The following PCDHA2 variants were observed in gnomAD, a reference collection of about 807,000 sequenced individuals.
The protein encoded by PCDHA2 is protocadherin alpha-2.
In PCDHA2, 58 loss-of-function variants were observed where a neutral mutation model predicts 66.0. The ratio of observed to expected loss-of-function variants is 0.88; its 90% CI spans 0.71 to 1.09. The LOEUF is 1.09. Among genes scored for constraint, PCDHA2 ranks in the 50% least tolerant of loss-of-function variants. The probability of loss-of-function intolerance (pLI) is 0.00; values close to 1 mark genes in which losing one functional copy is unlikely to be tolerated. For synonymous variants in PCDHA2, 634 were observed against 554.0 expected, an observed-to-expected ratio of 1.14 and a Z score of -2.03; for missense variants, 1,267 against 1,242.3, an observed-to-expected ratio of 1.02 and a Z score of -0.30.
In PCDHA2 at chr5:140,870,604, C is replaced by A. The variant is rs376574285; in HGVS notation, c.2388+73252C>A. 10 of 1,613,134 alleles carry A rather than the reference C, an allele frequency of 6.2e-6. No homozygotes were observed. The African/African-American group carries it at 6.7e-5, about 11-fold the overall frequency. Reference sequence around the variant, plus strand: ...GCTGGTGGAGCGGCGGTTGGGCGACCGCGCGCTGTCGAGCTACGTGTCGGT... The same window carrying A: ...GCTGGTGGAGCGGCGGTTGGGCGACAGCGCGCTGTCGAGCTACGTGTCGGT... On this transcript the variant is annotated intron_variant, in intron 1 of 3. Coordinates refer to ENST00000526136, the MANE Select transcript of PCDHA2 (RefSeq NM_018905.3).
At chr5:140,991,754 G>A (rs1554252407) in intron 3 of PCDHA2, among the ~76,000 whole-genome samples, 2 of 152,034 alleles carry the variant, frequency 1.3e-5, no homozygotes, top group African/African-American at 4.8e-5. Context: ...TTTCTATCAT[G>A]CTCTTCAAAA....
At chr5:140,802,297 C>G (rs1554122006) in intron 1 of PCDHA2, 2 of 1,614,152 alleles carry the variant, frequency 1.2e-6, no homozygotes, top group African/African-American at 1.3e-5. Flanking sequence ...CCACTTAGCA[C>G]AGTCATCGCT....
chr5:140,983,768 T>G (rs1236827804), intron 3 of PCDHA2, among the ~76,000 whole-genome samples: 2 of 152,196 alleles, frequency 1.3e-5, no homozygotes, highest in African/African-American at 4.8e-5. Context: ...CAAATACATA[T>G]CTACATACAT....
chr5:140,918,899 C>G (rs2078917474), intron 1 of PCDHA2, among the ~76,000 whole-genome samples: 1 of 152,206 alleles, frequency 6.6e-6, no homozygotes, highest in African/African-American at 2.4e-5. Context: ...AAATAAATCT[C>G]TCTTGTTTAT....
At chr5:140,964,753 T>A (rs1411001872) in intron 1 of PCDHA2, among the ~76,000 whole-genome samples, 1 of 149,084 alleles carries the variant, frequency 6.7e-6, no homozygotes, top group East Asian at 1.9e-4. Context: ...TGTAGGGATG[T>A]TTGGGGAGGA....
intron 1 of PCDHA2, chr5:140,849,920 C>T (rs2041223801): frequency 6.3e-7 from 1 of 1,598,270 alleles, no homozygotes; most frequent in Non-Finnish European, 8.6e-7. Flanking sequence ...GCCACATCTT[C>T]ACGGTGTCTG....
At chr5:140,832,971 T>C (rs115888961) in intron 1 of PCDHA2, among the ~76,000 whole-genome samples, 2,340 of 152,296 alleles carry the variant, frequency 0.015, 65 homozygotes, top group African/African-American at 0.053. Flanking sequence ...ATTCCAAATG[T>C]ACCTAGAAAT....
intron 1 of PCDHA2, chr5:140,828,181 G>C (rs2150151926): frequency 6.2e-7 from 1 of 1,614,176 alleles, no homozygotes; most frequent in Non-Finnish European, 8.5e-7. Context: ...GGAGCGGCCA[G>C]CTCCACTACT....
intron 1 of PCDHA2, chr5:140,928,768 C>G: frequency 1.2e-6 from 2 of 1,614,136 alleles, no homozygotes; most frequent in Non-Finnish European, 1.7e-6. Context: ...CTTAGTTCTT[C>G]CCACTGATGC....
chr5:140,872,802 A>T (rs533671542), intron 1 of PCDHA2, among the ~76,000 whole-genome samples: 128 of 152,330 alleles, frequency 8.4e-4, no homozygotes, highest in Admixed American at 2.4e-3. Flanking sequence ...GCATTCTTCC[A>T]TAAGTTTTTC....
intron 1 of PCDHA2, among the ~76,000 whole-genome samples, chr5:140,886,264 A>T (rs1471846282): frequency 3.3e-5 from 5 of 151,982 alleles, no homozygotes; most frequent in Admixed American, 3.3e-4. Flanking sequence ...CTATTTATAG[A>T]TAAAATTTTT....
At chr5:140,924,175 A>G (rs1179259744) in intron 1 of PCDHA2, among the ~76,000 whole-genome samples, 4 of 152,244 alleles carry the variant, frequency 2.6e-5, no homozygotes, top group Non-Finnish European at 5.9e-5. Context: ...CTGGCACTGA[A>G]GCAGAAAATT....
At chr5:140,803,331 G>T in intron 1 of PCDHA2, 2 of 1,614,188 alleles carry the variant, frequency 1.2e-6, no homozygotes, top group Non-Finnish European at 8.5e-7. Context: ...CAGTCTGTTG[G>T]TGCTCACACT....
Position 141,009,978 on chromosome 5 carries a change from A to G in PCDHA2, c.*41A>G. On this transcript the variant is annotated 3_prime_UTR_variant, in exon 4 of 4. Coordinates refer to ENST00000526136, the MANE Select transcript of PCDHA2 (RefSeq NM_018905.3). Reference sequence around the variant, plus strand: ...ACAAGCCACTTAGCCAGTTTTTGTAATAATGGCAAATCTCTCCCATGTAGC... The same window carrying G: ...ACAAGCCACTTAGCCAGTTTTTGTAGTAATGGCAAATCTCTCCCATGTAGC... 2 of 1,583,512 alleles carry G rather than the reference A, an allele frequency of 1.3e-6. No homozygotes were observed. Among genetic ancestry groups the G allele is most frequent in the Non-Finnish European group, 1.7e-6 (2 of 1,168,204 alleles).
rs1207145020 is a variant in PCDHA2, at chr5:140,966,511, A to G, written c.2389-12438A>G. On this transcript the variant is annotated intron_variant, in intron 1 of 3. Coordinates refer to ENST00000526136, the MANE Select transcript of PCDHA2 (RefSeq NM_018905.3). ...CCCCTGGAGCTGTAGCGGCAGCAGC[A>G]GCAGGAAGCCGAGCCGGGTTGAGCG... The G allele has an allele frequency of 7.1e-5, 31 of 433,774 alleles. No homozygotes were observed. In the East Asian group the frequency reaches 1.1e-3, roughly 15 times the overall value. 26.9% of individuals were successfully genotyped at this position (433,774 alleles called of 1,614,324 possible). A position where few individuals can be genotyped will look rare whatever the true frequency, so the allele number is the denominator to read the frequency against.
At chr5:140,815,350 A>G (rs1244675676) in intron 1 of PCDHA2, 1 of 151,840 alleles carries the variant, frequency 6.6e-6, no homozygotes, top group East Asian at 1.9e-4. Context: ...TCTTTTGTAT[A>G]TCTTCCATAG....
intron 1 of PCDHA2, chr5:140,806,980 G>T: frequency 3.1e-6 from 2 of 635,126 alleles, no homozygotes; most frequent in Non-Finnish European, 5.4e-6. Context: ...CTTACGGTTT[G>T]GAGCCACATG....
At chr5:140,799,387 A>C (rs1185489432) in intron 1 of PCDHA2, among the ~76,000 whole-genome samples, 1 of 152,154 alleles carries the variant, frequency 6.6e-6, no homozygotes, top group Non-Finnish European at 1.5e-5. Context: ...ATGAAGTTTA[A>C]AAATTTTAAA....
intron 1 of PCDHA2, chr5:140,868,845 A>G (rs1242434681): frequency 6.7e-6 from 3 of 451,106 alleles, no homozygotes; most frequent in Non-Finnish European, 7.5e-6. Flanking sequence ...AACACGTGAA[A>G]TTCTGTGGTG....
Sources: gnomAD v4.1 joint callset for allele counts (sites outside exome capture counted in the v4.1 genomes callset) on GRCh38, gnomAD v4.1.1 for gene constraint, MANE v1.5 for transcripts, NCBI Gene and HGNC (gene_info 2026-07-23, HGNC 2026-07-21) for gene names.